Variants in LRRC7 observed in about 807,000 individuals in gnomAD.
LRRC7 encodes the protein leucine rich repeat containing 7, also known as leucine-rich repeat-containing protein 7.
Under a neutral mutation model 175.7 loss-of-function variants are expected in LRRC7, and 23 were observed. That is an observed-to-expected ratio of 0.13 (90% CI 0.09 to 0.19). The LOEUF (loss-of-function observed/expected upper bound fraction) is 0.19. Ranked by LOEUF, LRRC7 falls within the 10% of genes least tolerant of loss-of-function variation. The pLI, the probability that LRRC7 is intolerant of heterozygous loss-of-function variation, is 1.00. For missense variants in LRRC7, 1,354 were observed against 1,904.7 expected, an observed-to-expected ratio of 0.71 and a Z score of 5.38; for synonymous variants, 685 against 680.9, an observed-to-expected ratio of 1.01 and a Z score of -0.09.
Position 70,038,497 on chromosome 1 carries a change from A to G in LRRC7, c.2673A>G (p.Glu891=). The change falls in exon 21 of 27, where the codon GAA becomes GAG. Residue 891 remains glutamate, a synonymous_variant. Coordinates refer to ENST00000651989, the MANE Select transcript of LRRC7 (RefSeq NM_001370785.2). ...QNWTRTPSPF[E]DRTAFPSKLE... ...GGACCAGAACCCCTAGTCCGTTTGA[A>G]GACAGGACCGCTTTTCCTTCCAAAT... 2 of 1,614,092 alleles carry G rather than the reference A, an allele frequency of 1.2e-6. No individual in the cohort carries two copies. Among genetic ancestry groups the G allele is most frequent in the Non-Finnish European group, 1.7e-6 (2 of 1,179,998 alleles).
At chr1:70,010,142 A>G (rs1340657092) in intron 11 of LRRC7, among the ~76,000 whole-genome samples, 2 of 152,210 alleles carry the variant, frequency 1.3e-5, no homozygotes, top group African/African-American at 4.8e-5. Flanking sequence ...ACCCAAGATA[A>G]TACAGTTAGT....
chr1:69,970,856 T>C (rs1652163021), intron 8 of LRRC7, among the ~76,000 whole-genome samples: 1 of 152,136 alleles, frequency 6.6e-6, no homozygotes, highest in Non-Finnish European at 1.5e-5. Flanking sequence ...ATATCCCTGA[T>C]GAACATAGAT....
chr1:69,931,065 T>C (rs1647325139), intron 7 of LRRC7, among the ~76,000 whole-genome samples: 1 of 152,238 alleles, frequency 6.6e-6, no homozygotes, highest in African/African-American at 2.4e-5. Context: ...CTACAATTTG[T>C]CTGTAACAGA....
chr1:69,905,878 T>C (rs1232353570), intron 7 of LRRC7, among the ~76,000 whole-genome samples: 1 of 152,168 alleles, frequency 6.6e-6, no homozygotes, highest in African/African-American at 2.4e-5. Context: ...CCACCAACAG[T>C]GTAAAAGTGT....
At chr1:69,649,166 C>T (rs1655417949) in intron 1 of LRRC7, among the ~76,000 whole-genome samples, 1 of 152,234 alleles carries the variant, frequency 6.6e-6, no homozygotes, top group South Asian at 2.1e-4. Context: ...CTTCACCACT[C>T]ACCAGTTACA....
At chr1:69,733,501 T>A (rs1473205262) in intron 2 of LRRC7, among the ~76,000 whole-genome samples, 5 of 152,110 alleles carry the variant, frequency 3.3e-5, no homozygotes, top group African/African-American at 4.8e-5. Flanking sequence ...TTATTTGCAT[T>A]AACTGAGTAC....
At chr1:69,586,363 A>T (rs564885588) in intron 1 of LRRC7, among the ~76,000 whole-genome samples, 1 of 152,234 alleles carries the variant, frequency 6.6e-6, no homozygotes, top group East Asian at 1.9e-4. Context: ...TCGACTTAAA[A>T]AAATTCTCAT....
At chr1:69,805,848 T>C (rs72675070) in intron 4 of LRRC7, among the ~76,000 whole-genome samples, 2,873 of 152,024 alleles carry the variant, frequency 0.019, 32 homozygotes, top group Middle Eastern at 0.048. Flanking sequence ...ACTTATTCCA[T>C]GGGAGATAAA....
chr1:69,928,984 T>C (rs1486606212), intron 7 of LRRC7, among the ~76,000 whole-genome samples: 1 of 152,224 alleles, frequency 6.6e-6, no homozygotes, highest in African/African-American at 2.4e-5. Context: ...CTTATTTGGC[T>C]TCCAGGACTT....
chr1:69,572,192 T>C (rs1309871785), intron 1 of LRRC7, among the ~76,000 whole-genome samples: 1 of 152,154 alleles, frequency 6.6e-6, no homozygotes. Flanking sequence ...CTTTGGAGAA[T>C]GTTGAAGTTT....
chr1:69,999,634 A>G (rs1655332365), intron 11 of LRRC7, among the ~76,000 whole-genome samples: 1 of 152,174 alleles, frequency 6.6e-6, no homozygotes, highest in Non-Finnish European at 1.5e-5. Context: ...TATCCACTCA[A>G]AATTAATAGG....
At chr1:69,754,220 C>A (rs1670158493) in intron 2 of LRRC7, among the ~76,000 whole-genome samples, 1 of 152,020 alleles carries the variant, frequency 6.6e-6, no homozygotes, top group Non-Finnish European at 1.5e-5. Flanking sequence ...GTGACATAAT[C>A]ATATTTGTGT....
chr1:69,997,149 C>G (rs528252883), intron 11 of LRRC7, among the ~76,000 whole-genome samples: 1 of 152,174 alleles, frequency 6.6e-6, no homozygotes, highest in Admixed American at 6.5e-5. Context: ...GTATTTTATT[C>G]TCTTTGAAGC....
At chr1:69,639,740 A>G (rs1438511583) in intron 1 of LRRC7, among the ~76,000 whole-genome samples, 1 of 151,832 alleles carries the variant, frequency 6.6e-6, no homozygotes, top group Non-Finnish European at 1.5e-5. Context: ...GATTGCTTAT[A>G]TATTTTAGCT....
Position 70,143,572 on chromosome 1 carries a change from A to ATCTT in LRRC7, c.*21687_*21690dup, listed in dbSNP as rs1553210624. The ATCTT allele has an allele frequency of 1.3e-5, 2 of 152,170 alleles. No homozygotes were observed. The highest frequency in any genetic ancestry group is 6.5e-5 in the Admixed American group (1 of 15,282). 9.4% of individuals were successfully genotyped at this position (152,170 alleles called of 1,614,324 possible). A position where few individuals can be genotyped will look rare whatever the true frequency, so the allele number is the denominator to read the frequency against. ...ACAGCAGTATAGCAAAAGAGGCTTA[A>ATCTT]TCTTTATAAATTGGGGCCTTTTCTG... On this transcript the variant is annotated 3_prime_UTR_variant, in exon 27 of 27. Transcript: ENST00000651989.
intron 6 of LRRC7, among the ~76,000 whole-genome samples, chr1:69,835,189 G>T (rs1364147569): frequency 6.6e-6 from 1 of 151,630 alleles, no homozygotes; most frequent in Non-Finnish European, 1.5e-5. Context: ...ACCTTTATAG[G>T]CATAGAAGCA....
intron 7 of LRRC7, among the ~76,000 whole-genome samples, chr1:69,851,721 G>C (rs1025293078): frequency 3.3e-5 from 5 of 152,148 alleles, no homozygotes; most frequent in African/African-American, 1.2e-4. Flanking sequence ...GAAAGTTAAT[G>C]GACAAGGGTG....
At position 69,974,957 on chromosome 1, in the gene LRRC7, A is replaced by C. The variant is rs368989334; in HGVS notation, c.712-5422A>C. Among the ~76,000 whole-genome samples, 78 of 152,342 alleles carry C rather than the reference A, an allele frequency of 5.1e-4. 1 individual carries two copies. The highest frequency in any genetic ancestry group is 1.8e-3 in the African/African-American group (74 of 41,584). On this transcript the variant is annotated intron_variant, in intron 8 of 26. Coordinates refer to ENST00000651989, the MANE Select transcript of LRRC7 (RefSeq NM_001370785.2). The stretch of plus-strand genomic sequence containing the variant: ...TATCATCTGCAGTTATGTAAACTTC[A>C]TCAAATTATTCTCATTTTCCAGAGG...
intron 7 of LRRC7, among the ~76,000 whole-genome samples, chr1:69,881,381 C>A (rs929403962): frequency 6.6e-6 from 1 of 151,998 alleles, no homozygotes; most frequent in Non-Finnish European, 1.5e-5. Context: ...CCAATGAAAC[C>A]AGTACTTGTA....
Sources: gnomAD v4.1 joint callset for allele counts (sites outside exome capture counted in the v4.1 genomes callset) on GRCh38, gnomAD v4.1.1 for gene constraint, MANE v1.5 for transcripts, NCBI Gene and HGNC (gene_info 2026-07-23, HGNC 2026-07-21) for gene names.